DMXL1: variants seen among roughly 807,000 people sequenced by gnomAD.
The protein encoded by DMXL1 is Dmx like 1.
In DMXL1, 99 loss-of-function variants were observed where a neutral mutation model predicts 319.2. The ratio of observed to expected loss-of-function variants is 0.31; its 90% CI spans 0.26 to 0.37. The LOEUF is 0.37. Among genes scored for constraint, DMXL1 ranks in the 10% least tolerant of loss-of-function variants. The probability of loss-of-function intolerance (pLI) is 1.00; values close to 1 mark genes in which losing one functional copy is unlikely to be tolerated. For missense variants in DMXL1, 3,745 were observed against 3,595.6 expected, an observed-to-expected ratio of 1.04 and a Z score of -1.06; for synonymous variants, 1,385 against 1,235.2, an observed-to-expected ratio of 1.12 and a Z score of -2.54.
chr5:119,167,591 T>A lies in DMXL1; in HGVS notation c.5137-12T>A, dbSNP rs532579830. On this transcript the variant is annotated splice_polypyrimidine_tract_variant and intron_variant, in intron 22 of 43. Coordinates refer to ENST00000539542, the MANE Select transcript of DMXL1 (RefSeq NM_001290321.3). Reference sequence around the variant, plus strand: ...GCTCCTGCTTATTTAAAAACAATATTTTTTTTTAAAGGTATGTCTTGAGAA... The same window carrying A: ...GCTCCTGCTTATTTAAAAACAATATATTTTTTTAAAGGTATGTCTTGAGAA... The A allele has an allele frequency of 1.9e-4, 291 of 1,544,244 alleles. No individual in the cohort carries two copies. The highest frequency in any genetic ancestry group is 3.7e-4 in the Admixed American group (18 of 48,400).
In DMXL1 at chr5:119,178,084, A is replaced by G. The variant is rs2150313661; in HGVS notation, c.6975A>G (p.Ala2325=). ...TCTTGCTCTGTGAGATTCTCACAGC[A>G]GTGTATCTTAGTCTCTTCATCCATG... The part of the protein sequence containing the change: ...LTVLLCEILT[A]VYLSLFIHGL... Residue 2325 remains alanine, a synonymous_variant, in exon 28 of 44, where the codon GCA becomes GCG. Coordinates refer to ENST00000539542, the MANE Select transcript of DMXL1 (RefSeq NM_001290321.3). 1.2e-6 allele frequency: 2 copies of G among 1,613,926 alleles called. No individual in the cohort carries two copies. Among genetic ancestry groups the G allele is most frequent in the Admixed American group, 1.7e-5 (1 of 60,014 alleles).
At chr5:119,160,995 G>GA (rs1160059323) in intron 19 of DMXL1, among the ~76,000 whole-genome samples, 1 of 152,062 alleles carries the variant, frequency 6.6e-6, no homozygotes, top group Non-Finnish European at 1.5e-5. Context: ...TTCATTATTG[G>GA]AAATTTATTA....
chr5:119,200,556 C>G (rs763733036), intron 32 of DMXL1, among the ~76,000 whole-genome samples: 3 of 152,050 alleles, frequency 2.0e-5, no homozygotes, highest in Non-Finnish European at 4.4e-5. Flanking sequence ...TATTCAGGCT[C>G]TTTTTACGTT....
intron 4 of DMXL1, among the ~76,000 whole-genome samples, chr5:119,109,690 C>T (rs907986498): frequency 2.6e-5 from 4 of 152,174 alleles, no homozygotes; most frequent in Non-Finnish European, 5.9e-5. Context: ...GCTTATTCAT[C>T]CATTAAGGAC....
At chr5:119,096,174 A>G (rs911309583) in intron 1 of DMXL1, among the ~76,000 whole-genome samples, 2 of 133,596 alleles carry the variant, frequency 1.5e-5, no homozygotes, top group Non-Finnish European at 3.2e-5. Context: ...TATATGAAGT[A>G]TAATTTTTTT....
intron 10 of DMXL1, among the ~76,000 whole-genome samples, chr5:119,130,859 T>C (rs1242718662): frequency 6.6e-6 from 1 of 152,200 alleles, no homozygotes; most frequent in Non-Finnish European, 1.5e-5. Context: ...AGATGGGGAA[T>C]TTCCAGGGAG....
intron 5 of DMXL1, among the ~76,000 whole-genome samples, chr5:119,112,890 A>T (rs1439774163): frequency 2.0e-5 from 3 of 151,824 alleles, no homozygotes; most frequent in African/African-American, 7.2e-5. Context: ...CCGGTGGTGG[A>T]GGTTACAATG....
chr5:119,128,069 G>C, intron 9 of DMXL1: 1 of 455,670 alleles, frequency 2.2e-6, no homozygotes, highest in Admixed American at 2.7e-5. Flanking sequence ...AGTGTAGTCA[G>C]TAACCAACAA....
chr5:119,095,752 T>G (rs1755804981), intron 1 of DMXL1, among the ~76,000 whole-genome samples: 1 of 152,206 alleles, frequency 6.6e-6, no homozygotes, highest in South Asian at 2.1e-4. Flanking sequence ...AAAATTAGCC[T>G]TTGGAATTTA....
chr5:119,116,449 GATTAGAGTAATATTAA>G, intron 7 of DMXL1, 113 bp downstream of exon 7: 1 of 1,153,740 alleles, frequency 8.7e-7, no homozygotes, highest in Non-Finnish European at 1.2e-6. Flanking sequence ...AGCCTATGAA[GATTAGAGTAATATTAA>G]ATCGTCTCTG....
At chr5:119,207,831 A>G (rs1782030355) in intron 34 of DMXL1, among the ~76,000 whole-genome samples, 1 of 152,078 alleles carries the variant, frequency 6.6e-6, no homozygotes, top group African/African-American at 2.4e-5. Context: ...CAATTCAACT[A>G]CGACTTTATG....
upstream of DMXL1, chr5:119,071,032 C>G (rs534148296): frequency 6.4e-6 from 1 of 157,382 alleles, no homozygotes; most frequent in African/African-American, 2.4e-5. Flanking sequence ...GAATTCTTTA[C>G]CACAGTAGCA....
chr5:119,210,487 G>T (rs1046609180), intron 34 of DMXL1, among the ~76,000 whole-genome samples: 2 of 152,118 alleles, frequency 1.3e-5, no homozygotes. Context: ...TGTTACTGTT[G>T]TTGTTTTTGC....
At chr5:119,196,515 G>GTTTTTTTTTTTTTTTTTTTTTTTTT in intron 31 of DMXL1, 59 bp downstream of exon 31, 1 of 559,966 alleles carries the variant, frequency 1.8e-6, no homozygotes, top group East Asian at 3.5e-5. Context: ...CTACTCTGTT[G>GTTTTTTTTTTTTTTTTTTTTTTTTT]TTTTTTTTTT....
rs1343483429 is a variant in DMXL1, at chr5:119,133,751, T to C, written c.1827T>C (p.Asn609=). 2.5e-6 allele frequency: 4 copies of C among 1,614,134 alleles called. No individual in the cohort carries two copies. In the East Asian group the frequency reaches 8.9e-5, roughly 36 times the overall value. Residue 609 remains asparagine, a synonymous_variant, in exon 12 of 44, where the codon AAT becomes AAC. Transcript: ENST00000539542. The stretch of plus-strand genomic sequence containing the variant: ...CAAAACATGCTGATGGTTCTCTGAA[T>C]CAGTGGCTGGTCAGTTTTGCCGAGG... ...MISKHADGSL[N]QWLVSFAEES...
chr5:119,076,905 G>A (rs764657785), intron 1 of DMXL1, among the ~76,000 whole-genome samples: 3 of 152,220 alleles, frequency 2.0e-5, no homozygotes, highest in Non-Finnish European at 4.4e-5. Context: ...TATTCTTAAA[G>A]TTGATAAACC....
intron 1 of DMXL1, among the ~76,000 whole-genome samples, chr5:119,084,792 A>G (rs1752974902): frequency 6.7e-6 from 1 of 148,680 alleles, no homozygotes; most frequent in African/African-American, 2.5e-5. Flanking sequence ...TGAACCTGGG[A>G]GGTGGAGGTT....
chr5:119,194,883 G>A (rs900434984), intron 30 of DMXL1, among the ~76,000 whole-genome samples: 3 of 151,576 alleles, frequency 2.0e-5, no homozygotes, highest in Non-Finnish European at 4.4e-5. Flanking sequence ...GGCAAAACCC[G>A]ATCTATATTT....
chr5:119,133,246 A>G lies in DMXL1; in HGVS notation c.1430A>G (p.His477Arg). Residue 477 changes from histidine to arginine, a missense_variant, in exon 11 of 44, where the codon CAT becomes CGT. Around this residue, in one of 4 missense-constraint regions of DMXL1, gnomAD observed 2,096 missense variants for 1,985.4 expected, o/e 1.06. Transcript: ENST00000539542. ...FTSLSSAAID[H>R]QIEVLLSEWS... The stretch of plus-strand genomic sequence containing the variant: ...TCATTATCGTCAGCTGCCATTGATC[A>G]TCAGATTGAAGTACTTCTGTCTGAA... The G allele has an allele frequency of 6.2e-7, 1 of 1,614,190 alleles. No individual in the cohort carries two copies. The highest frequency in any genetic ancestry group is 8.5e-7 in the Non-Finnish European group (1 of 1,180,032).
Sources: gnomAD v4.1 joint callset for allele counts (sites outside exome capture counted in the v4.1 genomes callset) on GRCh38, gnomAD v4.1.1 for gene constraint, gnomAD v4.1.1 regional missense constraint, MANE v1.5 for transcripts, NCBI Gene and HGNC (gene_info 2026-07-23, HGNC 2026-07-21) for gene names.